HARS1: variants seen among roughly 807,000 people sequenced by gnomAD.
HARS1 encodes the protein histidine--tRNA ligase, cytoplasmic.
Under a neutral mutation model 63.6 loss-of-function variants are expected in HARS1, and 45 were observed. That is an observed-to-expected ratio of 0.71 (90% confidence interval 0.56 to 0.91). HARS1 has a LOEUF of 0.91. HARS1 is among the 40% of genes least tolerant of loss of function. The probability of loss-of-function intolerance (pLI) is 0.00; values close to 1 mark genes in which losing one functional copy is unlikely to be tolerated. For synonymous variants in HARS1, 205 were observed against 247.1 expected (o/e 0.83, Z 1.60); for missense variants, 508 against 643.2 (o/e 0.79, Z 2.27).
intron 3 of HARS1, among the ~76,000 whole-genome samples, 158 bp from the exon 4 acceptor site, chr5:140,680,041 A>C (rs1758626074): frequency 6.6e-6 from 1 of 151,958 alleles, no homozygotes. Flanking sequence ...AAAAGGAAAC[A>C]CCAATTTTGT....
chr5:140,685,530 G>T (rs1758973838), intron 2 of HARS1, among the ~76,000 whole-genome samples: 1 of 151,786 alleles, frequency 6.6e-6, no homozygotes, highest in South Asian at 2.1e-4. Flanking sequence ...GACTATCCTG[G>T]CCAACATGGT....
rs898215022 is a variant in HARS1 at position 140,676,873 on chromosome 5, A to C, written c.975T>G (p.Ala325=). Residue 325 remains alanine (A), a synonymous_variant, in exon 10 of 13, where the codon GCT becomes GCG. Coordinates refer to ENST00000504156, the MANE Select transcript of HARS1 (RefSeq NM_002109.6). This position sits in a 1 kb window ranked among gnomAD's most constrained non-coding sequence, Gnocchi z 4.1. The part of the protein sequence containing the change: ...DDKISFDLSL[A]RGLDYYTGVI... ...CCCCAGTGTAGTAATCCAGCCCTCGAGCAAGGCTCAGGTCAAAGGAGATCT... is the reference window on the plus strand; with the variant it reads ...CCCCAGTGTAGTAATCCAGCCCTCGCGCAAGGCTCAGGTCAAAGGAGATCT... 1.2e-6 allele frequency: 2 copies of C among 1,613,916 alleles called. No individual in the cohort carries two copies. Among genetic ancestry groups the C allele is most frequent in the Non-Finnish European group, 1.7e-6 (2 of 1,179,780 alleles).
In HARS1 at chr5:140,675,298, T is replaced by C. The variant is rs138300828; in HGVS notation, c.1195-165A>G. On this transcript the variant is annotated intron_variant, in intron 10 of 12. Coordinates refer to ENST00000504156, the MANE Select transcript of HARS1 (RefSeq NM_002109.6). ...GCATAAAGGTAGCTTTTAGTAGATA[T>C]GAGGACTGAACTGACTGACTTGTAC... 7.6e-4 allele frequency: 470 copies of C among 615,422 alleles called. 1 individual carries two copies. Among genetic ancestry groups the C allele is most frequent in the African/African-American group, 7.5e-3 (412 of 54,774 alleles). The allele number at this position is 615,422 out of a possible 1,614,324, so 38.1% of individuals were successfully genotyped here.
rs539931946 is a variant in HARS1 at position 140,678,025 on chromosome 5, G to A, written c.523-10C>T. On this transcript the variant is annotated splice_polypyrimidine_tract_variant and intron_variant, in intron 5 of 12. Transcript: ENST00000504156. ...CAGCAATGTCAAAATCCTGCAGGGA[G>A]AGGGTTAGCCAGCGGTCTTCAGGGA... 6.7e-7 allele frequency: 1 copy of A among 1,499,830 alleles called. No individual in the cohort carries two copies. The highest frequency in any genetic ancestry group is 1.4e-5 in the African/African-American group (1 of 72,916). 92.9% of individuals were successfully genotyped at this position (1,499,830 alleles called of 1,614,324 possible).
rs367836677 is a variant in HARS1 at position 140,678,454 on chromosome 5, C to G, written c.523-439G>C. On this transcript the variant is annotated intron_variant, in intron 5 of 12. Coordinates refer to ENST00000504156, the MANE Select transcript of HARS1 (RefSeq NM_002109.6). Reference sequence around the variant, plus strand: ...ACTTTGCCTTTCTTATCCCTATGATCTCTTCATGGGCTGGGTATCAAGTTT... The same window carrying G: ...ACTTTGCCTTTCTTATCCCTATGATGTCTTCATGGGCTGGGTATCAAGTTT... 4 of 182,436 alleles carry G rather than the reference C, an allele frequency of 2.2e-5. No individual in the cohort carries two copies. The East Asian group carries it at 4.7e-4, about 22-fold the overall frequency. 11.3% of individuals were successfully genotyped at this position (182,436 alleles called of 1,614,324 possible).
At position 140,677,717 on chromosome 5, in the gene HARS1, T is replaced by C. The variant is rs1050250; in HGVS notation, c.667A>G (p.Ile223Val). Residue 223 changes from isoleucine to valine, a missense_variant, in exon 7 of 13, where the codon ATC becomes GTC. Coordinates refer to ENST00000504156, the MANE Select transcript of HARS1 (RefSeq NM_002109.6). ...DRRILDGMFAICGVSDSKFRT... is the reference protein window; with the variant it reads ...DRRILDGMFAVCGVSDSKFRT... ...AACTTGCTGTCAGAAACACCACAGA[T>C]AGCAAACATCCCATCTAGAATGCGT... The C allele has an allele frequency of 2.5e-6, 4 of 1,611,424 alleles. No individual in the cohort carries two copies. The East Asian group carries it at 8.9e-5, about 36-fold the overall frequency.
At chr5:140,674,874 G>A (rs1282963032) in intron 11 of HARS1, 49 bp from the exon 12 acceptor site, 3 of 1,603,062 alleles carry the variant, frequency 1.9e-6, no homozygotes, top group South Asian at 2.2e-5. Flanking sequence ...GCTGTCCTCA[G>A]GGACAGAGGG....
chr5:140,674,870 C>T (rs770708096), intron 11 of HARS1, 45 bp from the exon 12 acceptor site: 1 of 1,609,966 alleles, frequency 6.2e-7, no homozygotes. Context: ...TTCTGCTGTC[C>T]TCAGGGACAG....
intron 3 of HARS1, among the ~76,000 whole-genome samples, chr5:140,680,544 T>TA (rs1239154651): frequency 6.6e-5 from 10 of 151,910 alleles, no homozygotes; most frequent in Non-Finnish European, 1.0e-4. Context: ...TATTCTAATT[T>TA]AAAAAAAAAT....
chr5:140,691,120 G>C (rs1041845170), intron 1 of HARS1, 95 bp downstream of exon 1: 3 of 1,049,350 alleles, frequency 2.9e-6, no homozygotes, highest in Non-Finnish European at 4.3e-6. Flanking sequence ...AAGACTGGTC[G>C]CTTCCCTCAC....
rs769012636 is a variant in HARS1, at chr5:140,677,164, T to C, written c.824-48A>G. Reference sequence around the variant, plus strand: ...GAGGCTGACAAGGAAACAAAAAAGGTAAGGAGGGTTGACCTTCTTGCCTGG... The same window carrying C: ...GAGGCTGACAAGGAAACAAAAAAGGCAAGGAGGGTTGACCTTCTTGCCTGG... On this transcript the variant is annotated intron_variant, in intron 8 of 12. Transcript: ENST00000504156. 1.3e-5 allele frequency: 21 copies of C among 1,606,482 alleles called. No individual in the cohort carries two copies. In the African/African-American group the frequency reaches 2.1e-4, roughly 16 times the overall value.
rs568096778 is a variant in HARS1, at chr5:140,691,329, G to A, written c.-25C>T. ...TCCCGGCTGTCCACTTGAGCCGCCT[G>A]CTGTCTCGACCTGCGGTGGTTGCCC... On this transcript the variant is annotated 5_prime_UTR_variant, in exon 1 of 13. Coordinates refer to ENST00000504156, the MANE Select transcript of HARS1 (RefSeq NM_002109.6). 3.0e-5 allele frequency: 47 copies of A among 1,572,826 alleles called. No individual in the cohort carries two copies. In the African/African-American group the frequency reaches 4.7e-4, roughly 16 times the overall value.
intron 2 of HARS1, among the ~76,000 whole-genome samples, chr5:140,685,665 G>A (rs1459523214): frequency 1.3e-5 from 2 of 149,936 alleles, no homozygotes; most frequent in African/African-American, 4.9e-5. Context: ...AGGCTGCAGT[G>A]AGCCAAGGTC....
chr5:140,691,173 C>G (rs756510296), intron 1 of HARS1, 42 bp downstream of exon 1: 14 of 1,435,154 alleles, frequency 9.8e-6, no homozygotes, highest in Non-Finnish European at 1.3e-5. Flanking sequence ...TACGTCCTCC[C>G]AGGCTTTGCC....
At chr5:140,677,264 G>A (rs1392990677) in intron 8 of HARS1, 63 bp downstream of exon 8, 1 of 1,430,902 alleles carries the variant, frequency 7.0e-7, no homozygotes, top group Non-Finnish European at 9.9e-7. Context: ...ACACAGAACA[G>A]TTTCAACTTT....
chr5:140,674,743 A>G lies in HARS1; in HGVS notation c.1394T>C (p.Ile465Thr), dbSNP rs544072184. ...ATCCTTGAGTTCCTGCTCGCCGATGATAGCCACCAGTGGGATGCCTGCCTC... is the reference window on the plus strand; with the variant it reads ...ATCCTTGAGTTCCTGCTCGCCGATGGTAGCCACCAGTGGGATGCCTGCCTC... ...CEEAGIPLVA[I>T]IGEQELKDGV... Residue 465 changes from isoleucine to threonine, a missense_variant, in exon 12 of 13, where the codon ATC becomes ACC. By Grantham distance (89) the Ile-to-Thr change is moderately conservative. Coordinates refer to ENST00000504156, the MANE Select transcript of HARS1 (RefSeq NM_002109.6). 1 of 1,614,170 alleles carries G rather than the reference A, an allele frequency of 6.2e-7. No individual in the cohort carries two copies. The highest frequency in any genetic ancestry group is 2.2e-5 in the East Asian group (1 of 44,882).
At chr5:140,683,622 A>C (rs1209788933) in intron 2 of HARS1, 1 of 277,428 alleles carries the variant, frequency 3.6e-6, no homozygotes, top group Non-Finnish European at 5.6e-6. Flanking sequence ...GCCTGAGGTC[A>C]GGGGTTCGAG....
At position 140,681,355 on chromosome 5, in the gene HARS1, G is replaced by A. The variant is rs1200212307; in HGVS notation, c.301-1472C>T. Reference sequence around the variant, plus strand: ...AGAAGAGAAAATTTAGATAGGGACAGAGGGAAGACGATGTAAAGACAAAGG... The same window carrying A: ...AGAAGAGAAAATTTAGATAGGGACAAAGGGAAGACGATGTAAAGACAAAGG... On this transcript the variant is annotated intron_variant, in intron 3 of 12. Transcript: ENST00000504156. Among the ~76,000 whole-genome samples, 5 of 152,292 alleles carry A rather than the reference G, an allele frequency of 3.3e-5. No individual in the cohort carries two copies. In the East Asian group the frequency reaches 7.7e-4, roughly 23 times the overall value.
rs528772762 is a variant in HARS1 at position 140,686,294 on chromosome 5, C to T, written c.181-3075G>A. On this transcript the variant is annotated intron_variant, in intron 2 of 12. Coordinates refer to ENST00000504156, the MANE Select transcript of HARS1 (RefSeq NM_002109.6). ...TCACTCTGTCACCCAGGCTGGAGTA[C>T]AGTGGCGTGTTCTCGGCTCACTGCA... Among the ~76,000 whole-genome samples the T allele has an allele frequency of 2.0e-5, 3 of 152,068 alleles. No homozygotes were observed. The East Asian group carries it at 5.8e-4, about 29-fold the overall frequency.
Sources: gnomAD v4.1 joint callset for allele counts (sites outside exome capture counted in the v4.1 genomes callset) on GRCh38, gnomAD v4.1.1 for gene constraint, Gnocchi (gnomAD v3.1) non-coding constraint, MANE v1.5 for transcripts, NCBI Gene and HGNC (gene_info 2026-07-23, HGNC 2026-07-21) for gene names.